EEPD1: variants seen among roughly 807,000 people sequenced by gnomAD.
The protein encoded by EEPD1 is endonuclease/exonuclease/phosphatase family domain containing 1.
In EEPD1, 17 loss-of-function variants were observed where a neutral mutation model predicts 46.3. That is an observed-to-expected ratio of 0.37 (90% CI 0.25 to 0.55). The LOEUF (loss-of-function observed/expected upper bound fraction) is 0.55, where lower values mean the gene tolerates loss of function less well. Ranked by LOEUF, EEPD1 falls within the 20% of genes least tolerant of loss-of-function variation. The pLI, the probability that EEPD1 is intolerant of heterozygous loss-of-function variation, is 0.83. For synonymous variants in EEPD1, 313 were observed against 315.6 expected, an observed-to-expected ratio of 0.99 and a Z score of 0.09; for missense variants, 673 against 745.6, an observed-to-expected ratio of 0.90 and a Z score of 1.13.
intron 5 of EEPD1, 147 bp from the exon 6 acceptor site, chr7:36,287,492 A>G (rs766639678): frequency 2.2e-5 from 27 of 1,254,446 alleles, no homozygotes; most frequent in African/African-American, 4.5e-5. Context: ...GAAAGACCTT[A>G]CATTATTTCC....
At chr7:36,211,046 G>A (rs1785921155) in intron 2 of EEPD1, among the ~76,000 whole-genome samples, 1 of 152,158 alleles carries the variant, frequency 6.6e-6, no homozygotes, top group Admixed American at 6.5e-5. Context: ...CTGTTGTAAT[G>A]TGACATGAAA....
chr7:36,227,567 A>G (rs572172433), intron 2 of EEPD1, among the ~76,000 whole-genome samples: 4 of 152,174 alleles, frequency 2.6e-5, no homozygotes, highest in Non-Finnish European at 4.4e-5. Context: ...ATGGGGGAAA[A>G]CAGGCCTGCA....
At position 36,300,408 on chromosome 7, in the gene EEPD1, T is replaced by C. The variant is rs1179423037; in HGVS notation, c.*1202T>C. 6.6e-6 allele frequency: 1 copy of C among 152,264 alleles called. No homozygotes were observed. The highest frequency in any genetic ancestry group is 2.4e-5 in the African/African-American group (1 of 41,460). The allele number at this position is 152,264 out of a possible 1,614,324, so 9.4% of individuals were successfully genotyped here. A position where few individuals can be genotyped will look rare whatever the true frequency, so the allele number is the denominator to read the frequency against. Reference sequence around the variant, plus strand: ...CTGAGGCTTAGAGAGCTCGACCTCCTCAAGGTCACACCACTGGGTAAATAG... The same window carrying C: ...CTGAGGCTTAGAGAGCTCGACCTCCCCAAGGTCACACCACTGGGTAAATAG... On this transcript the variant is annotated 3_prime_UTR_variant, in exon 8 of 8. Transcript: ENST00000242108.
chr7:36,283,203 G>A (rs763324488), intron 4 of EEPD1, among the ~76,000 whole-genome samples: 7 of 152,174 alleles, frequency 4.6e-5, no homozygotes, highest in South Asian at 2.1e-4. Context: ...CTGTTCCTCC[G>A]GCTGCTGTTC....
rs1481155313 is a variant in EEPD1 at position 36,238,792 on chromosome 7, TTTTAAA to T, written c.879-188_879-183del. 2.0e-5 allele frequency among the ~76,000 whole-genome samples: 3 copies of T among 152,234 alleles called. No homozygotes were observed. The East Asian group carries it at 5.8e-4, about 29-fold the overall frequency. The stretch of plus-strand genomic sequence containing the variant: ...TGCTGGATCATATGGTAAAAATTAC[TTTTAAA>T]TTTAGAAGCATTTTAAATACTTTCA... On this transcript the variant is annotated intron_variant, in intron 2 of 7. Transcript: ENST00000242108.
In EEPD1 at chr7:36,193,787, C is replaced by T. The variant is rs1304218717; in HGVS notation, c.878+38585C>T. On this transcript the variant is annotated intron_variant, in intron 2 of 7. Coordinates refer to ENST00000242108, the MANE Select transcript of EEPD1 (RefSeq NM_030636.3). This position sits in a 1 kb window ranked among gnomAD's most constrained non-coding sequence, Gnocchi z 4.9. Reference sequence around the variant, plus strand: ...GGTCAGCAGGTGGCCAGCGGCAGAGCGGCCACACCCATCCTGGTGCCCTCT... The same window carrying T: ...GGTCAGCAGGTGGCCAGCGGCAGAGTGGCCACACCCATCCTGGTGCCCTCT... Among the ~76,000 whole-genome samples, 3 of 152,176 alleles carry T rather than the reference C, an allele frequency of 2.0e-5. No individual in the cohort carries two copies. Among genetic ancestry groups the T allele is most frequent in the Admixed American group, 6.5e-5 (1 of 15,282 alleles).
In EEPD1 at chr7:36,298,903, C is replaced by T. The variant is rs530969911; in HGVS notation, c.1511-104C>T. On this transcript the variant is annotated intron_variant, in intron 7 of 7. Coordinates refer to ENST00000242108, the MANE Select transcript of EEPD1 (RefSeq NM_030636.3). ...ACCTGAGGCAGCCTCTCCGGGCACC[C>T]CGGCCTGCAGACATGCGGTGTGACC... The T allele has an allele frequency of 1.4e-5, 19 of 1,381,682 alleles. No individual in the cohort carries two copies. In the South Asian group the frequency reaches 2.1e-4, roughly 15 times the overall value. The allele number at this position is 1,381,682 out of a possible 1,614,324, so 85.6% of individuals were successfully genotyped here. A position where few individuals can be genotyped will look rare whatever the true frequency, so the allele number is the denominator to read the frequency against.
At chr7:36,293,635 G>T (rs2115897502) in intron 6 of EEPD1, among the ~76,000 whole-genome samples, 1 of 152,244 alleles carries the variant, frequency 6.6e-6, no homozygotes, top group East Asian at 1.9e-4. Context: ...TCTCATTTGA[G>T]AAAAGGAACA....
chr7:36,183,137 C>T (rs1785303389), intron 2 of EEPD1, among the ~76,000 whole-genome samples: 1 of 152,226 alleles, frequency 6.6e-6, no homozygotes, highest in African/African-American at 2.4e-5. Flanking sequence ...ACTGTTCTAA[C>T]TGTTCACCCA....
chr7:36,256,431 TC>T (rs1047668097), intron 3 of EEPD1, among the ~76,000 whole-genome samples: 34 of 152,344 alleles, frequency 2.2e-4, no homozygotes, highest in African/African-American at 7.5e-4. Context: ...TGTTAAAGTC[TC>T]CCAGTATTAT....
intron 2 of EEPD1, among the ~76,000 whole-genome samples, chr7:36,203,661 G>A (rs1035275709): frequency 6.6e-6 from 1 of 152,228 alleles, no homozygotes; most frequent in Admixed American, 6.5e-5. Context: ...GTCTGCAGGA[G>A]CTAAAAGAAA....
chr7:36,163,851 C>T (rs1285171909), intron 2 of EEPD1, among the ~76,000 whole-genome samples: 1 of 146,272 alleles, frequency 6.8e-6, no homozygotes, highest in East Asian at 2.0e-4. Flanking sequence ...GCACCCCAGC[C>T]TGGGGGACAG....
At chr7:36,184,877 C>T (rs538256118) in intron 2 of EEPD1, among the ~76,000 whole-genome samples, 8 of 152,132 alleles carry the variant, frequency 5.3e-5, no homozygotes, top group South Asian at 2.1e-4. Flanking sequence ...ACTACAGGCA[C>T]GTGCCACCAT....
chr7:36,221,964 C>T (rs1466600480), intron 2 of EEPD1, among the ~76,000 whole-genome samples: 1 of 152,224 alleles, frequency 6.6e-6, no homozygotes, highest in Admixed American at 6.5e-5. Context: ...GTCACTCATA[C>T]TCCCTTACCT....
chr7:36,191,578 G>C (rs1174471425), intron 2 of EEPD1, among the ~76,000 whole-genome samples: 1 of 152,204 alleles, frequency 6.6e-6, no homozygotes, highest in Non-Finnish European at 1.5e-5. Flanking sequence ...GGGACTGGCT[G>C]GAGCTAACTA....
intron 4 of EEPD1, among the ~76,000 whole-genome samples, chr7:36,282,389 T>C (rs1342171862): frequency 1.3e-5 from 2 of 152,160 alleles, no homozygotes; most frequent in Non-Finnish European, 2.9e-5. Context: ...TGAGAAAAAC[T>C]CCATGCCTGC....
chr7:36,224,008 T>C (rs1320016758), intron 2 of EEPD1, among the ~76,000 whole-genome samples: 1 of 152,238 alleles, frequency 6.6e-6, no homozygotes, highest in Admixed American at 6.5e-5. Flanking sequence ...TTCCAAATTT[T>C]CCAGGAATAA....
intron 2 of EEPD1, among the ~76,000 whole-genome samples, chr7:36,236,513 C>T (rs1003154605): frequency 3.3e-5 from 5 of 152,200 alleles, no homozygotes; most frequent in Admixed American, 2.0e-4. Flanking sequence ...TTGTCTGGGA[C>T]GAGCTCCCTC....
chr7:36,170,778 C>T (rs1226302642), intron 2 of EEPD1, among the ~76,000 whole-genome samples: 2 of 152,148 alleles, frequency 1.3e-5, no homozygotes, highest in African/African-American at 4.8e-5. Context: ...CCATAGATTA[C>T]CTGTTCATCC....
Sources: allele counts gnomAD v4.1 joint callset (sites outside exome capture counted in the v4.1 genomes callset), GRCh38; gene constraint gnomAD v4.1.1; non-coding constraint Gnocchi (gnomAD v3.1); transcripts MANE v1.5; gene names NCBI Gene and HGNC (gene_info 2026-07-23, HGNC 2026-07-21).